Variants in ST7 observed in about 807,000 individuals in gnomAD.
ST7 encodes the protein suppression of tumorigenicity 7, also known as suppressor of tumorigenicity 7 protein.
ST7 carries 28 observed loss-of-function variants against 78.7 expected under a neutral mutation model. The ratio of observed to expected loss-of-function variants is 0.36; its 90% confidence interval spans 0.26 to 0.49. The LOEUF is 0.49. Ranked by LOEUF, ST7 falls within the 20% of genes least tolerant of loss-of-function variation. The pLI is 0.99. For missense variants in ST7, 418 were observed against 696.0 expected (o/e 0.60, Z 4.49); for synonymous variants, 247 against 249.6 (o/e 0.99, Z 0.10).
chr7:117,176,582 A>G (rs541304207), intron 10 of ST7, among the ~76,000 whole-genome samples: 2 of 152,328 alleles, frequency 1.3e-5, no homozygotes, highest in South Asian at 4.1e-4. Context: ...AGGCCTTATA[A>G]CTAGCACAAG....
At chr7:117,182,991 A>G (rs1423567448) in intron 10 of ST7, among the ~76,000 whole-genome samples, 2 of 152,118 alleles carry the variant, frequency 1.3e-5, no homozygotes, top group Non-Finnish European at 1.5e-5. Context: ...TTAGATAAGG[A>G]TTTGTGGAGA....
In ST7 at chr7:117,177,237, A is replaced by G. The variant is rs181736164; in HGVS notation, c.1078+6261A>G. On this transcript the variant is annotated intron_variant, in intron 10 of 15. Transcript: ENST00000323984. ...ATAGACTGTCAGGGATGAACTATAT[A>G]TTGCATTGAGCAAAAGTTCTGATAA... Among the ~76,000 whole-genome samples the G allele has an allele frequency of 3.3e-5, 5 of 152,322 alleles. No individual in the cohort carries two copies. In the East Asian group the frequency reaches 9.6e-4, roughly 29 times the overall value.
intron 13 of ST7, among the ~76,000 whole-genome samples, chr7:117,210,889 G>A (rs1213842953): frequency 6.6e-6 from 1 of 152,172 alleles, no homozygotes; most frequent in Non-Finnish European, 1.5e-5. Context: ...CCACCCATGG[G>A]AAACTAAAAC....
At chr7:116,996,609 T>C (rs928364628) in intron 1 of ST7, among the ~76,000 whole-genome samples, 3 of 152,198 alleles carry the variant, frequency 2.0e-5, no homozygotes, top group Non-Finnish European at 2.9e-5. Flanking sequence ...CCTACTCCAG[T>C]CCATTAGTTG....
intron 1 of ST7, among the ~76,000 whole-genome samples, chr7:117,076,035 C>T (rs577229210): frequency 6.6e-6 from 1 of 152,276 alleles, no homozygotes; most frequent in Admixed American, 6.5e-5. Context: ...TGGTTTCTTA[C>T]ACATTGTTAC....
At chr7:117,218,755 T>C (rs1322669162) in intron 13 of ST7, among the ~76,000 whole-genome samples, 1 of 152,192 alleles carries the variant, frequency 6.6e-6, no homozygotes, top group Non-Finnish European at 1.5e-5. Flanking sequence ...TGTTTAGCTA[T>C]ATTGAATTAG....
intron 12 of ST7, among the ~76,000 whole-genome samples, chr7:117,194,849 T>C (rs2117428547): frequency 6.6e-6 from 1 of 152,292 alleles, no homozygotes; most frequent in East Asian, 1.9e-4. Flanking sequence ...CAGTGACCCA[T>C]CAACTACACA....
intron 10 of ST7, among the ~76,000 whole-genome samples, chr7:117,185,124 G>A (rs1430487994): frequency 6.6e-6 from 1 of 152,140 alleles, no homozygotes; most frequent in Non-Finnish European, 1.5e-5. Context: ...CCTGCCTGTG[G>A]TTTAGATGTT....
At chr7:117,061,966 G>A (rs963996550) in intron 1 of ST7, among the ~76,000 whole-genome samples, 1 of 152,156 alleles carries the variant, frequency 6.6e-6, no homozygotes, top group Non-Finnish European at 1.5e-5. Flanking sequence ...TAGGCTGGGT[G>A]GCTCAACAGG....
intron 10 of ST7, among the ~76,000 whole-genome samples, chr7:117,179,933 C>G (rs1045058401): frequency 6.6e-6 from 1 of 152,122 alleles, no homozygotes; most frequent in African/African-American, 2.4e-5. Context: ...GCGAGGTGAC[C>G]TCTGACACTA....
intron 1 of ST7, among the ~76,000 whole-genome samples, chr7:117,039,242 A>G (rs1797077412): frequency 6.6e-6 from 1 of 152,114 alleles, no homozygotes; most frequent in Non-Finnish European, 1.5e-5. Flanking sequence ...CCTGCTTCCT[A>G]TTACCAGGTT....
At chr7:116,980,045 G>A (rs1299608197) in intron 1 of ST7, among the ~76,000 whole-genome samples, 7 of 127,850 alleles carry the variant, frequency 5.5e-5, no homozygotes, top group South Asian at 2.8e-4. Flanking sequence ...TGCAACCTCC[G>A]GCTCCTGGAT....
rs137974019 is a variant in ST7, at chr7:117,222,035, G to A, written c.1611G>A (p.Pro537=). The change falls in exon 15 of 16, where the codon CCG becomes CCA. Residue 537 remains proline, a synonymous_variant. Coordinates refer to ENST00000323984, the MANE Select transcript of ST7 (RefSeq NM_001369598.1). ...AMLALLTHQF[P]ELMGVFAKAF... is the part of the protein sequence containing the mutation. ...TGGCCCTCCTGACACATCAGTTCCCGGAACTTATGGGGGTCTTCGCAAAAG... is the reference window on the plus strand; with the variant it reads ...TGGCCCTCCTGACACATCAGTTCCCAGAACTTATGGGGGTCTTCGCAAAAG... 37 of 1,611,982 alleles carry A rather than the reference G, an allele frequency of 2.3e-5. No individual in the cohort carries two copies. Among genetic ancestry groups the A allele is most frequent in the South Asian group, 3.3e-5 (3 of 90,754 alleles).
intron 12 of ST7, among the ~76,000 whole-genome samples, chr7:117,201,157 T>A (rs1460140547): frequency 6.6e-6 from 1 of 152,220 alleles, no homozygotes; most frequent in Non-Finnish European, 1.5e-5. Context: ...TCTATGATAT[T>A]ATATATCAAC....
At chr7:117,089,822 G>A (rs574241545) in intron 1 of ST7, among the ~76,000 whole-genome samples, 17 of 151,982 alleles carry the variant, frequency 1.1e-4, no homozygotes, top group Admixed American at 5.2e-4. Flanking sequence ...CTCCCGCCTC[G>A]GCCTCCCAAA....
chr7:117,121,408 A>G (rs1803353223), intron 3 of ST7, among the ~76,000 whole-genome samples: 2 of 152,222 alleles, frequency 1.3e-5, no homozygotes, highest in Admixed American at 1.3e-4. Flanking sequence ...AGAGGTGTCC[A>G]GTACTACTCA....
intron 13 of ST7, among the ~76,000 whole-genome samples, chr7:117,214,977 T>A (rs7808746): frequency 7.6e-5 from 11 of 145,238 alleles, no homozygotes; most frequent in Admixed American, 2.8e-4. Context: ...AAGCAAAAAA[T>A]ACACACACAC....
intron 1 of ST7, chr7:116,965,970 C>A: frequency 2.8e-6 from 1 of 356,264 alleles, no homozygotes; most frequent in East Asian, 7.6e-5. Context: ...TGGTCACAGG[C>A]AAGAGATTTT....
rs561150625 is a variant in ST7, at chr7:117,038,249, G to A, written c.152-61513G>A. Among the ~76,000 whole-genome samples, 7 of 152,280 alleles carry A rather than the reference G, an allele frequency of 4.6e-5. No individual in the cohort carries two copies. In the East Asian group the frequency reaches 7.7e-4, roughly 17 times the overall value. ...CATTAACCTATGCAGGGTAGTTTTA[G>A]TCTACCTTGTTAATACTACTTTTTC... On this transcript the variant is annotated intron_variant, in intron 1 of 15. Coordinates refer to ENST00000323984, the MANE Select transcript of ST7 (RefSeq NM_001369598.1).
Sources: gnomAD v4.1 joint callset for allele counts (sites outside exome capture counted in the v4.1 genomes callset) on GRCh38, gnomAD v4.1.1 for gene constraint, MANE v1.5 for transcripts, NCBI Gene and HGNC (gene_info 2026-07-23, HGNC 2026-07-21) for gene names.